NR5A2: variants seen among roughly 807,000 people sequenced by gnomAD.
The protein encoded by NR5A2 is nuclear receptor subfamily 5 group A member 2.
In NR5A2, 26 loss-of-function variants were observed where a neutral mutation model predicts 62.7. The observed-to-expected ratio is 0.41, with a 90% CI of 0.30 to 0.58. The LOEUF (loss-of-function observed/expected upper bound fraction) is 0.58. Among genes scored for constraint, NR5A2 ranks in the 20% least tolerant of loss-of-function variants. The pLI is 0.22. For missense variants in NR5A2, 541 were observed against 669.1 expected, an observed-to-expected ratio of 0.81 and a Z score of 2.11; for synonymous variants, 246 against 241.7, an observed-to-expected ratio of 1.02 and a Z score of -0.16.
At position 200,111,423 on chromosome 1, in the gene NR5A2, G is replaced by A. The variant is rs995151385; in HGVS notation, c.1230+102G>A. 2.1e-5 allele frequency: 27 copies of A among 1,271,642 alleles called. No homozygotes were observed. The African/African-American group carries it at 3.8e-4, about 18-fold the overall frequency. The allele number at this position is 1,271,642 out of a possible 1,614,324, so 78.8% of individuals were successfully genotyped here. On this transcript the variant is annotated intron_variant, in intron 6 of 7. Coordinates refer to ENST00000367362, the MANE Select transcript of NR5A2 (RefSeq NM_205860.3). ...TCAGAAGCACTCTTGTGCTTTGAAA[G>A]GGAGAGATTGGCTGCCAATAATTTA...
chr1:200,085,263 C>T (rs574913751), intron 5 of NR5A2, among the ~76,000 whole-genome samples: 27 of 152,254 alleles, frequency 1.8e-4, no homozygotes, highest in Admixed American at 7.2e-4. Context: ...AAATTAAGTC[C>T]TTGGTAGATA....
intron 5 of NR5A2, among the ~76,000 whole-genome samples, chr1:200,065,045 G>A (rs948093676): frequency 3.3e-5 from 5 of 151,924 alleles, no homozygotes; most frequent in African/African-American, 1.2e-4. Flanking sequence ...TCAGCCTCCC[G>A]AAGTGTTGGG....
chr1:200,122,284 T>A (rs1232548581), intron 7 of NR5A2, among the ~76,000 whole-genome samples: 1 of 152,214 alleles, frequency 6.6e-6, no homozygotes, highest in Non-Finnish European at 1.5e-5. Flanking sequence ...CTGCTTGCTG[T>A]AATCGCACAA....
At chr1:200,046,627 A>G (rs1295897672) in intron 4 of NR5A2, among the ~76,000 whole-genome samples, 1 of 152,306 alleles carries the variant, frequency 6.6e-6, no homozygotes, top group East Asian at 1.9e-4. Context: ...TTTGGTTATT[A>G]TGAGGACTGT....
intron 5 of NR5A2, among the ~76,000 whole-genome samples, chr1:200,081,216 G>T (rs894796547): frequency 2.0e-5 from 3 of 152,186 alleles, no homozygotes; most frequent in African/African-American, 7.2e-5. Context: ...CCCAACAGAA[G>T]GGCAGGTCCC....
Position 200,045,545 on chromosome 1 carries a change from C to T in NR5A2, c.424C>T (p.Arg142Cys). The change falls in exon 4 of 8, where the codon CGT becomes TGT. Residue 142 changes from arginine to cysteine, a missense_variant. Around this residue, in one of 3 missense-constraint regions of NR5A2, gnomAD observed 54 missense variants for 123.8 expected, o/e 0.44. Coordinates refer to ENST00000367362, the MANE Select transcript of NR5A2 (RefSeq NM_205860.3). ...ACAGAGAAAGCGTTGTCCTTACTGT[C>T]GTTTTCAAAAATGTCTAAGTGTTGG... ...KTQRKRCPYC[R>C]FQKCLSVGMK... is the part of the protein sequence containing the mutation. 1.9e-6 allele frequency: 3 copies of T among 1,612,674 alleles called. No homozygotes were observed. Among genetic ancestry groups the T allele is most frequent in the Non-Finnish European group, 2.5e-6 (3 of 1,179,328 alleles).
At chr1:200,102,641 C>CT (rs1362167951) in intron 5 of NR5A2, among the ~76,000 whole-genome samples, 2 of 152,200 alleles carry the variant, frequency 1.3e-5, no homozygotes, top group Non-Finnish European at 2.9e-5. Context: ...TCCAATTTTA[C>CT]TTCCCTTTAC....
At position 200,113,232 on chromosome 1, in the gene NR5A2, T is replaced by TTTAAATATGTTTCCCCACC. The variant is rs1666045784; in HGVS notation, c.1230+1911_1230+1912insTTAAATATGTTTCCCCACC. On this transcript the variant is annotated intron_variant, in intron 6 of 7. Coordinates refer to ENST00000367362, the MANE Select transcript of NR5A2 (RefSeq NM_205860.3). The stretch of plus-strand genomic sequence containing the variant: ...GGATTCTTCCAGCTCCCCTCCCCAC[T>TTTAAATATGTTTCCCCACC]CTTTAAATATGTTTCCTGCAGCCTG... 2.6e-5 allele frequency among the ~76,000 whole-genome samples: 4 copies of TTTAAATATGTTTCCCCACC among 151,710 alleles called. No homozygotes were observed. In the South Asian group the frequency reaches 8.4e-4, roughly 32 times the overall value.
intron 7 of NR5A2, among the ~76,000 whole-genome samples, chr1:200,171,806 C>T (rs1654194124): frequency 6.6e-6 from 1 of 152,150 alleles, no homozygotes; most frequent in Admixed American, 6.6e-5. Flanking sequence ...TCTAAATTAT[C>T]ATTCTATAAT....
intron 2 of NR5A2, chr1:200,043,011 AC>A (rs1367562211): frequency 1.0e-6 from 1 of 985,240 alleles, no homozygotes; most frequent in Non-Finnish European, 1.2e-6. Context: ...GAGGTTCATT[AC>A]AGGGCTTCAA....
At chr1:200,080,551 A>G (rs983146788) in intron 5 of NR5A2, among the ~76,000 whole-genome samples, 1 of 152,198 alleles carries the variant, frequency 6.6e-6, no homozygotes, top group African/African-American at 2.4e-5. Flanking sequence ...TAAACTCACT[A>G]TCTAAACAAA....
chr1:200,072,921 A>G (rs142806315), intron 5 of NR5A2, among the ~76,000 whole-genome samples: 237 of 152,286 alleles, frequency 1.6e-3, no homozygotes, highest in African/African-American at 4.4e-3. Flanking sequence ...TAGAAAGGAC[A>G]TTTCCATGCT....
intron 7 of NR5A2, among the ~76,000 whole-genome samples, chr1:200,124,067 G>C (rs1054956568): frequency 1.3e-5 from 2 of 152,010 alleles, no homozygotes; most frequent in Non-Finnish European, 2.9e-5. Context: ...GCCTCTCAAA[G>C]TGCTGGGATT....
chr1:200,097,715 G>A (rs1382942435), intron 5 of NR5A2, among the ~76,000 whole-genome samples: 1 of 152,222 alleles, frequency 6.6e-6, no homozygotes, highest in Non-Finnish European at 1.5e-5. Context: ...GCCTCATGGG[G>A]ACAGATTCAA....
chr1:200,101,971 C>A (rs1412530328), intron 5 of NR5A2, among the ~76,000 whole-genome samples: 1 of 152,180 alleles, frequency 6.6e-6, no homozygotes, highest in Non-Finnish European at 1.5e-5. Flanking sequence ...TTATATGTTT[C>A]TTCACAGTGC....
At position 200,043,872 on chromosome 1, in the gene NR5A2, C is replaced by A; in HGVS notation, c.301C>A (p.Leu101Ile). 6.2e-7 allele frequency: 1 copy of A among 1,612,098 alleles called. No individual in the cohort carries two copies. Among genetic ancestry groups the A allele is most frequent in the South Asian group, 1.1e-5 (1 of 90,814 alleles). ...DKVSGYHYGL[L>I]TCESCKGFFK... ...AGTGTCTGGGTACCATTATGGGCTCCTCACCTGTGAAAGCTGCAAGGTTTG... is the reference window on the plus strand; with the variant it reads ...AGTGTCTGGGTACCATTATGGGCTCATCACCTGTGAAAGCTGCAAGGTTTG... The change falls in exon 3 of 8, where the codon CTC becomes ATC. Residue 101 changes from leucine (L) to isoleucine (I), a missense_variant. Physicochemically the swap from Leu to Ile is conservative, Grantham distance 5. Transcript: ENST00000367362.
In NR5A2 at chr1:200,151,288, C is replaced by T. The variant is rs914428112; in HGVS notation, c.1379-22675C>T. Reference sequence around the variant, plus strand: ...TCTTTTTAGAGAAAGCCATGGGTTTCAAGTTAGCAGGAACCATCTATCAAT... The same window carrying T: ...TCTTTTTAGAGAAAGCCATGGGTTTTAAGTTAGCAGGAACCATCTATCAAT... On this transcript the variant is annotated intron_variant, in intron 7 of 7. Transcript: ENST00000367362. 1.4e-4 allele frequency among the ~76,000 whole-genome samples: 22 copies of T among 152,212 alleles called. 1 individual carries two copies. The highest frequency in any genetic ancestry group is 4.8e-4 in the African/African-American group (20 of 41,450).
At chr1:200,114,098 G>A (rs897308122) in intron 6 of NR5A2, among the ~76,000 whole-genome samples, 7 of 152,126 alleles carry the variant, frequency 4.6e-5, no homozygotes, top group East Asian at 3.9e-4. Flanking sequence ...CAGGAGAATC[G>A]CTTGAACCCG....
chr1:200,060,907 T>A (rs1390094979), intron 5 of NR5A2, among the ~76,000 whole-genome samples: 2 of 124,642 alleles, frequency 1.6e-5, no homozygotes, highest in African/African-American at 6.4e-5. Context: ...TTCGAGACCA[T>A]CCTGGCCAAG....
Sources: gnomAD v4.1 joint callset for allele counts (sites outside exome capture counted in the v4.1 genomes callset) on GRCh38, gnomAD v4.1.1 for gene constraint, gnomAD v4.1.1 regional missense constraint, MANE v1.5 for transcripts, NCBI Gene and HGNC (gene_info 2026-07-23, HGNC 2026-07-21) for gene names.